Variants in ARHGAP25 observed in about 807,000 individuals in gnomAD.
ARHGAP25 encodes the protein rho GTPase-activating protein 25.
In ARHGAP25, 34 loss-of-function variants were observed where a neutral mutation model predicts 71.0. The ratio of observed to expected loss-of-function variants is 0.48; its 90% CI spans 0.36 to 0.64. The LOEUF is 0.64. ARHGAP25 is among the 30% of genes least tolerant of loss of function. The pLI is 0.00. For missense variants in ARHGAP25, 706 were observed against 805.1 expected (o/e 0.88, Z 1.49); for synonymous variants, 282 against 296.5 (o/e 0.95, Z 0.50).
chr2:68,745,671 A>T (rs936577826), intron 1 of ARHGAP25, among the ~76,000 whole-genome samples: 2 of 152,214 alleles, frequency 1.3e-5, no homozygotes, highest in Non-Finnish European at 2.9e-5. Context: ...CACTCAACAG[A>T]GCCAGACAAA....
intron 5 of ARHGAP25, among the ~76,000 whole-genome samples, chr2:68,813,014 A>G (rs1680942050): frequency 6.6e-6 from 1 of 152,238 alleles, no homozygotes; most frequent in Non-Finnish European, 1.5e-5. Context: ...GACGAAAATC[A>G]TTAAGGAACG....
At chr2:68,788,548 A>T (rs539366983) in intron 4 of ARHGAP25, among the ~76,000 whole-genome samples, 3 of 152,350 alleles carry the variant, frequency 2.0e-5, no homozygotes, top group African/African-American at 7.2e-5. Context: ...CAACTCAAGA[A>T]TTTGAGCTCT....
intron 1 of ARHGAP25, among the ~76,000 whole-genome samples, chr2:68,760,761 C>T (rs1011605022): frequency 2.6e-5 from 4 of 151,378 alleles, no homozygotes; most frequent in Admixed American, 1.3e-4. Flanking sequence ...CCAAACCAAC[C>T]TACAGATTTA....
chr2:68,779,993 A>G (rs1678205868), intron 2 of ARHGAP25, among the ~76,000 whole-genome samples: 1 of 152,246 alleles, frequency 6.6e-6, no homozygotes, highest in African/African-American at 2.4e-5. Flanking sequence ...TTGTAAGTAA[A>G]GCCTTATTTG....
chr2:68,825,808 G>A (rs894766788), intron 10 of ARHGAP25, among the ~76,000 whole-genome samples, 179 bp from the exon 11 acceptor site: 3 of 152,018 alleles, frequency 2.0e-5, no homozygotes. Context: ...GGGCTCAGAA[G>A]TACTGTGGGG....
chr2:68,773,240 A>G (rs974122584), intron 1 of ARHGAP25, among the ~76,000 whole-genome samples: 1 of 152,246 alleles, frequency 6.6e-6, no homozygotes, highest in Admixed American at 6.5e-5. Flanking sequence ...GTAATGCCAT[A>G]TAAAACTCTG....
chr2:68,825,942 G>A (rs1321070450), intron 10 of ARHGAP25, 45 bp from the exon 11 acceptor site: 3 of 1,548,978 alleles, frequency 1.9e-6, no homozygotes, highest in Non-Finnish European at 2.7e-6. Flanking sequence ...GAAGAGTCTA[G>A]AATGAATGCC....
rs544965079 is a variant in ARHGAP25, at chr2:68,798,847, G to T, written c.467-8426G>T. Among the ~76,000 whole-genome samples, 54 of 152,290 alleles carry T rather than the reference G, an allele frequency of 3.5e-4. 1 individual carries two copies. The highest frequency in any genetic ancestry group is 1.2e-3 in the African/African-American group (48 of 41,560). ...AGAAGAACAGGCTCTGGAGTGAGGG[G>T]AGGGTAATAAAAGGGGAGATAGCTT... On this transcript the variant is annotated intron_variant, in intron 4 of 10. Transcript: ENST00000409202.
chr2:68,777,190 AG>A (rs771461241), intron 2 of ARHGAP25, among the ~76,000 whole-genome samples: 13 of 152,256 alleles, frequency 8.5e-5, no homozygotes, highest in Non-Finnish European at 1.5e-4. Context: ...CTATCTGCAG[AG>A]TGTAAGGGAG....
chr2:68,745,972 C>T (rs192595996), intron 1 of ARHGAP25, among the ~76,000 whole-genome samples: 24 of 152,262 alleles, frequency 1.6e-4, no homozygotes, highest in Admixed American at 2.0e-4. Context: ...AGCCCTTTTA[C>T]GAGGATCTTA....
At chr2:68,730,367 G>A (rs1674986247), upstream of ARHGAP25, among the ~76,000 whole-genome samples, 1 of 152,190 alleles carries the variant, frequency 6.6e-6, no homozygotes, top group South Asian at 2.1e-4. Context: ...TCTCCAGGCT[G>A]GACACAGTGG....
chr2:68,717,833 C>T (rs1674651224), intron 2 of ARHGAP25, among the ~76,000 whole-genome samples: 1 of 152,176 alleles, frequency 6.6e-6, no homozygotes, highest in Non-Finnish European at 1.5e-5. Flanking sequence ...TGTGAATTGA[C>T]ATATTTTTGC....
At chr2:68,792,589 T>A in intron 4 of ARHGAP25, among the ~76,000 whole-genome samples, 1 of 152,240 alleles carries the variant, frequency 6.6e-6, no homozygotes, top group East Asian at 1.9e-4. Context: ...GATTTCATTC[T>A]TTGAAATGTC....
chr2:68,736,215 C>A (rs1485329362), intron 1 of ARHGAP25, among the ~76,000 whole-genome samples: 1 of 152,152 alleles, frequency 6.6e-6, no homozygotes, highest in Non-Finnish European at 1.5e-5. Context: ...TGAAAAGTCA[C>A]AAGCGGAGCA....
chr2:68,729,738 G>GT (rs1189910912), intron 2 of ARHGAP25, among the ~76,000 whole-genome samples: 1 of 152,110 alleles, frequency 6.6e-6, no homozygotes, highest in Admixed American at 6.5e-5. Context: ...CTGACTGCTT[G>GT]TTTTTTTATG....
chr2:68,806,072 C>A (rs1680341192), intron 4 of ARHGAP25, among the ~76,000 whole-genome samples: 1 of 152,186 alleles, frequency 6.6e-6, no homozygotes, highest in African/African-American at 2.4e-5. Context: ...CTGGCCCACA[C>A]TTGCTTTGCT....
At chr2:68,802,090 G>C (rs2104431633) in intron 4 of ARHGAP25, among the ~76,000 whole-genome samples, 1 of 152,192 alleles carries the variant, frequency 6.6e-6, no homozygotes, top group East Asian at 1.9e-4. Flanking sequence ...GTGGGAATAG[G>C]GAGCTTGTTT....
chr2:68,761,757 A>G (rs1417101583), intron 1 of ARHGAP25, among the ~76,000 whole-genome samples: 2 of 152,180 alleles, frequency 1.3e-5, no homozygotes, highest in Non-Finnish European at 2.9e-5. Context: ...GGATGTGGAG[A>G]TATTGAAACC....
intron 4 of ARHGAP25, among the ~76,000 whole-genome samples, chr2:68,793,046 T>C (rs370793231): frequency 2.0e-5 from 3 of 152,332 alleles, no homozygotes; most frequent in African/African-American, 7.2e-5. Context: ...ATTTTTTTCA[T>C]ATGCATGTTT....
Sources: allele counts gnomAD v4.1 joint callset (sites outside exome capture counted in the v4.1 genomes callset), GRCh38; gene constraint gnomAD v4.1.1; transcripts MANE v1.5; gene names NCBI Gene and HGNC (gene_info 2026-07-23, HGNC 2026-07-21).